TTC21B: variants seen among roughly 807,000 people sequenced by gnomAD.
The protein encoded by TTC21B is tetratricopeptide repeat protein 21B.
In TTC21B, 127 loss-of-function variants were observed where a neutral mutation model predicts 175.1. The ratio of observed to expected loss-of-function variants is 0.73; its 90% CI spans 0.63 to 0.84. The LOEUF (loss-of-function observed/expected upper bound fraction) is 0.84. TTC21B is among the 40% of genes least tolerant of loss of function. TTC21B has a pLI of 0.00. For missense variants in TTC21B, 1,561 were observed against 1,558.3 expected (o/e 1.00, Z -0.03); for synonymous variants, 524 against 524.5 (o/e 1.00, Z 0.01).
chr2:165,913,541 A>T (rs758620906), intron 16 of TTC21B, 33 bp downstream of exon 16: 7 of 1,459,016 alleles, frequency 4.8e-6, no homozygotes, highest in South Asian at 1.2e-5. Context: ...ATAATTTTTT[A>T]AAAATGCAGT....
intron 25 of TTC21B, among the ~76,000 whole-genome samples, chr2:165,886,545 T>C (rs1685002038): frequency 6.6e-6 from 1 of 152,214 alleles, no homozygotes; most frequent in Non-Finnish European, 1.5e-5. Context: ...CTTCAGCTCA[T>C]ATATCATTGT....
rs756736441 is a variant in TTC21B, at chr2:165,883,789, C to T, written c.3684+5G>A. Reference sequence around the variant, plus strand: ...ATAATTATTTTTTACTCTTCAATCACCTACTCTATTATGACGCAGGCACCG... The same window carrying T: ...ATAATTATTTTTTACTCTTCAATCATCTACTCTATTATGACGCAGGCACCG... On this transcript the variant is annotated splice_donor_5th_base_variant and intron_variant, in intron 26 of 28. Coordinates refer to ENST00000243344, the MANE Select transcript of TTC21B (RefSeq NM_024753.5). The T allele has an allele frequency of 6.2e-7, 1 of 1,608,858 alleles. No individual in the cohort carries two copies.
chr2:165,934,495 T>A (rs1215281100), intron 6 of TTC21B, among the ~76,000 whole-genome samples: 7 of 94,462 alleles, frequency 7.4e-5, no homozygotes, highest in East Asian at 6.2e-4. Context: ...AGCGAGACTC[T>A]GTCTCAAAAA....
At position 165,931,825 on chromosome 2, in the gene TTC21B, G is replaced by C; in HGVS notation, c.827C>G (p.Thr276Arg). ...ASTKLENLGN[T>R]LDAMEPQNAQ... ...ATTCTGTGGTTCCATGGCATCCAAT[G>C]TATTTCCCAAGTTTTCCAGCTTGGT... Residue 276 changes from threonine to arginine, a missense_variant, in exon 8 of 29, where the codon ACA (threonine) becomes AGA (arginine). Coordinates refer to ENST00000243344, the MANE Select transcript of TTC21B (RefSeq NM_024753.5). 6.2e-7 allele frequency: 1 copy of C among 1,613,452 alleles called. No homozygotes were observed. Among genetic ancestry groups the C allele is most frequent in the South Asian group, 1.1e-5 (1 of 91,064 alleles).
In TTC21B at chr2:165,920,617, A is replaced by G. The variant is rs191941751; in HGVS notation, c.1517-1184T>C. On this transcript the variant is annotated intron_variant, in intron 12 of 28. Transcript: ENST00000243344. Reference sequence around the variant, plus strand: ...ATTTGAAGAAACAGGTTGTACTAACAGGAGAAAGTGCATAGAGAATTAGGG... The same window carrying G: ...ATTTGAAGAAACAGGTTGTACTAACGGGAGAAAGTGCATAGAGAATTAGGG... Among the ~76,000 whole-genome samples, 75 of 152,336 alleles carry G rather than the reference A, an allele frequency of 4.9e-4. No homozygotes were observed. The East Asian group carries it at 0.013, about 26-fold the overall frequency.
chr2:165,908,912 C>G (rs932188626), intron 18 of TTC21B, among the ~76,000 whole-genome samples: 7 of 152,082 alleles, frequency 4.6e-5, no homozygotes, highest in Non-Finnish European at 1.0e-4. Flanking sequence ...ACTACTAACA[C>G]TTCATACAAT....
chr2:165,894,875 T>C (rs1005675257), intron 22 of TTC21B, among the ~76,000 whole-genome samples: 1 of 152,144 alleles, frequency 6.6e-6, no homozygotes. Context: ...TTTAGTAAAA[T>C]ACTATAAGTA....
At chr2:165,880,219 GA>G (rs1013166074) in intron 27 of TTC21B, among the ~76,000 whole-genome samples, 4 of 148,564 alleles carry the variant, frequency 2.7e-5, no homozygotes, top group East Asian at 2.0e-4. Flanking sequence ...ATGCTCAGGA[GA>G]AAAAAAAAAT....
At chr2:165,949,096 T>C (rs1687679952) in intron 3 of TTC21B, 1 of 373,508 alleles carries the variant, frequency 2.7e-6, no homozygotes, top group South Asian at 2.9e-5. Flanking sequence ...TACCTGTTTC[T>C]TTGGCTGTCC....
chr2:165,893,239 G>A (rs975931376), intron 22 of TTC21B, among the ~76,000 whole-genome samples: 2 of 152,072 alleles, frequency 1.3e-5, no homozygotes, highest in African/African-American at 2.4e-5. Flanking sequence ...AATTACAAAT[G>A]TTATTAATAA....
At chr2:165,904,253 T>C (rs2105308965) in intron 19 of TTC21B, among the ~76,000 whole-genome samples, 1 of 152,294 alleles carries the variant, frequency 6.6e-6, no homozygotes, top group East Asian at 1.9e-4. Context: ...TATCATGTGA[T>C]TCAGAAAATA....
At chr2:165,882,541 C>T (rs139423929) in intron 26 of TTC21B, among the ~76,000 whole-genome samples, 3 of 152,226 alleles carry the variant, frequency 2.0e-5, no homozygotes, top group African/African-American at 7.2e-5. Context: ...TTCACACAAA[C>T]TCTAATCATC....
intron 28 of TTC21B, 84 bp from the exon 29 acceptor site, chr2:165,874,916 T>C (rs1003360618): frequency 8.1e-7 from 1 of 1,228,530 alleles, no homozygotes; most frequent in Non-Finnish European, 1.2e-6. Context: ...GAAATGAGCA[T>C]TACAGTTAAG....
chr2:165,884,385 T>C (rs1209491848), intron 25 of TTC21B, among the ~76,000 whole-genome samples: 1 of 152,100 alleles, frequency 6.6e-6, no homozygotes, highest in Non-Finnish European at 1.5e-5. Context: ...TATTGAGCAG[T>C]TTGTATTTCA....
rs771066651 is a variant in TTC21B, at chr2:165,899,749, A to G, written c.2868+21T>C. 1.0e-5 allele frequency: 15 copies of G among 1,501,368 alleles called. No individual in the cohort carries two copies. The East Asian group carries it at 3.4e-4, about 34-fold the overall frequency. 93.0% of individuals were successfully genotyped at this position (1,501,368 alleles called of 1,614,324 possible). On this transcript the variant is annotated intron_variant, in intron 21 of 28. Transcript: ENST00000243344. ...TATAAAACACAAGTGCTTTTATTGTACTGAAGTTCCTTGGACTGACCATGG... is the reference window on the plus strand; with the variant it reads ...TATAAAACACAAGTGCTTTTATTGTGCTGAAGTTCCTTGGACTGACCATGG...
Position 165,945,541 on chromosome 2 carries a change from A to T in TTC21B, c.412T>A (p.Ser138Thr). The T allele has an allele frequency of 6.2e-7, 1 of 1,613,478 alleles. No individual in the cohort carries two copies. The highest frequency in any genetic ancestry group is 8.5e-7 in the Non-Finnish European group (1 of 1,179,896). Residue 138 changes from serine to threonine, a missense_variant, in exon 4 of 29, where the codon TCA becomes ACA. Ser to Thr is a moderately conservative substitution (Grantham distance 58). Transcript: ENST00000243344. ...ATAGCTACCTGTTTACTACCATCTGATATTTTGATCATTCTGTCAATATAT... is the reference window on the plus strand; with the variant it reads ...ATAGCTACCTGTTTACTACCATCTGTTATTTTGATCATTCTGTCAATATAT... ...REYIDRMIKI[S>T]DGSKQGHVLK...
At chr2:165,880,108 G>A (rs903664332) in intron 27 of TTC21B, 2 of 154,804 alleles carry the variant, frequency 1.3e-5, no homozygotes, top group African/African-American at 4.8e-5. Context: ...GGTTGGTCAT[G>A]ACATATATTC....
At chr2:165,921,269 T>C (rs1686396019) in intron 12 of TTC21B, among the ~76,000 whole-genome samples, 1 of 152,138 alleles carries the variant, frequency 6.6e-6, no homozygotes, top group African/African-American at 2.4e-5. Context: ...TCCATGCCTA[T>C]TTAATGAAAT....
chr2:165,886,104 T>C (rs1018822346), intron 25 of TTC21B, among the ~76,000 whole-genome samples: 1 of 152,250 alleles, frequency 6.6e-6, no homozygotes, highest in African/African-American at 2.4e-5. Context: ...TATGTTTTTC[T>C]GCCTCCCTGA....
Sources: allele counts gnomAD v4.1 joint callset (sites outside exome capture counted in the v4.1 genomes callset), GRCh38; gene constraint gnomAD v4.1.1; transcripts MANE v1.5; gene names NCBI Gene and HGNC (gene_info 2026-07-23, HGNC 2026-07-21).